EML1: variants seen among roughly 807,000 people sequenced by gnomAD.
The protein encoded by EML1 is EMAP like 1, also known as echinoderm microtubule-associated protein-like 1.
EML1 carries 27 observed loss-of-function variants against 110.4 expected under a neutral mutation model. The observed-to-expected ratio is 0.24, with a 90% confidence interval of 0.18 to 0.34. The LOEUF (loss-of-function observed/expected upper bound fraction) is 0.34, where lower values mean the gene tolerates loss of function less well. Ranked by LOEUF, EML1 falls within the 10% of genes least tolerant of loss-of-function variation. The pLI, the probability that EML1 is intolerant of heterozygous loss-of-function variation, is 1.00. For synonymous variants in EML1, 344 were observed against 385.8 expected (o/e 0.89, Z 1.27); for missense variants, 741 against 1,030.9 (o/e 0.72, Z 3.85).
At chr14:99,745,772 G>C (rs914165877) in intron 1 of EML1, among the ~76,000 whole-genome samples, 2 of 152,206 alleles carry the variant, frequency 1.3e-5, no homozygotes, top group African/African-American at 4.8e-5. Flanking sequence ...AACATGTCAA[G>C]TGCTGGTGCT....
At chr14:99,813,255 T>C (rs2058111557) in intron 1 of EML1, among the ~76,000 whole-genome samples, 1 of 152,182 alleles carries the variant, frequency 6.6e-6, no homozygotes, top group South Asian at 2.1e-4. Context: ...GCTTTTGATT[T>C]AAGGAAAAAA....
At chr14:99,929,133 G>A (rs1196509018) in intron 17 of EML1, among the ~76,000 whole-genome samples, 1 of 152,184 alleles carries the variant, frequency 6.6e-6, no homozygotes, top group African/African-American at 2.4e-5. Context: ...ATTCCCTGGA[G>A]AGCAGAGAGC....
At chr14:99,808,307 G>A (rs1240960017) in intron 1 of EML1, among the ~76,000 whole-genome samples, 4 of 152,166 alleles carry the variant, frequency 2.6e-5, no homozygotes, top group Non-Finnish European at 5.9e-5. Flanking sequence ...CTTGTTGAAT[G>A]AAAAATCAGA....
chr14:99,909,743 G>T (rs992372599), intron 11 of EML1, among the ~76,000 whole-genome samples: 1 of 152,186 alleles, frequency 6.6e-6, no homozygotes, highest in Non-Finnish European at 1.5e-5. Context: ...ATCAGAAGAT[G>T]AAGTCATCGG....
chr14:99,915,719 C>T (rs953427616), intron 15 of EML1, among the ~76,000 whole-genome samples: 17 of 152,138 alleles, frequency 1.1e-4, no homozygotes, highest in African/African-American at 4.1e-4. Flanking sequence ...AGTCTGACTC[C>T]TAAACTCTGG....
rs138845813 is a variant in EML1 at position 99,906,117 on chromosome 14, C to T, written c.1009-1521C>T. Among the ~76,000 whole-genome samples the T allele has an allele frequency of 1.6e-3, 247 of 152,250 alleles. 2 individuals are homozygous for T. Among genetic ancestry groups the T allele is most frequent in the African/African-American group, 5.8e-3 (240 of 41,548 alleles). On this transcript the variant is annotated intron_variant, in intron 9 of 21. Coordinates refer to ENST00000262233, the MANE Select transcript of EML1 (RefSeq NM_004434.3). ...TTCTGTGGTCTCCAGAAAGATGTCA[C>T]TGGACCCCACCACTTACCCAAAGTC...
At chr14:99,748,005 C>T (rs960891) in intron 1 of EML1, among the ~76,000 whole-genome samples, 58,225 of 152,098 alleles carry the variant, frequency 0.38, 13,671 homozygotes, top group Non-Finnish European at 0.5. Context: ...CCCTTAGGGC[C>T]GACAGCTGTG....
intron 10 of EML1, among the ~76,000 whole-genome samples, chr14:99,908,455 G>A (rs1286256910): frequency 1.3e-5 from 2 of 152,134 alleles, no homozygotes; most frequent in African/African-American, 2.4e-5. Context: ...GCATGTCTGC[G>A]AGGCAGACCT....
At chr14:99,894,603 T>C in intron 5 of EML1, 26 bp from the exon 6 acceptor site, 1 of 1,605,098 alleles carries the variant, frequency 6.2e-7, no homozygotes, top group Admixed American at 1.7e-5. Flanking sequence ...TGAGGTATCT[T>C]ACTGAAATCT....
At chr14:99,848,728 G>A (rs993486140) in intron 1 of EML1, among the ~76,000 whole-genome samples, 1 of 152,160 alleles carries the variant, frequency 6.6e-6, no homozygotes, top group African/African-American at 2.4e-5. Context: ...CACTTTGGGA[G>A]GGTGAAGCAG....
chr14:99,739,104 CAG>C (rs1210048454), intron 1 of EML1, among the ~76,000 whole-genome samples: 2 of 52,870 alleles, frequency 3.8e-5, no homozygotes, highest in African/African-American at 1.3e-4. Flanking sequence ...GAGAGAGAGA[CAG>C]AGAGAGAGAG....
intron 1 of EML1, among the ~76,000 whole-genome samples, chr14:99,742,960 C>T (rs1242104739): frequency 6.6e-6 from 1 of 152,176 alleles, no homozygotes. Flanking sequence ...GATATTGACA[C>T]CAAGAAGGAC....
intron 1 of EML1, among the ~76,000 whole-genome samples, chr14:99,816,092 T>C (rs2058162465): frequency 6.6e-6 from 1 of 152,240 alleles, no homozygotes; most frequent in African/African-American, 2.4e-5. Flanking sequence ...TGTTGTCAGA[T>C]GAAACTCAAG....
intron 3 of EML1, among the ~76,000 whole-genome samples, chr14:99,876,186 A>G (rs139538856): frequency 2.8e-5 from 1 of 36,126 alleles, no homozygotes; most frequent in African/African-American, 6.2e-5. Flanking sequence ...GGCTACCAAG[A>G]AGGAGAGTGG....
chr14:99,825,104 C>A (rs1423911649), intron 1 of EML1, among the ~76,000 whole-genome samples: 1 of 152,182 alleles, frequency 6.6e-6, no homozygotes, highest in Non-Finnish European at 1.5e-5. Context: ...CCACCTCAGC[C>A]TGACAAGTAA....
intron 3 of EML1, chr14:99,875,119 T>C: frequency 2.6e-6 from 2 of 754,836 alleles, no homozygotes; most frequent in Non-Finnish European, 2.1e-6. Flanking sequence ...TGTAACTATA[T>C]TAATCATTGA....
Position 99,938,090 on chromosome 14 carries a change from G to A in EML1, c.2191+178G>A, listed in dbSNP as rs552357508. ...GGGTAGGGCCTGGGCTTGCCTGGCC[G>A]TGGCCCACTGAGAAGAACCAGAGAG... On this transcript the variant is annotated intron_variant, in intron 20 of 21. Transcript: ENST00000262233. 4.0e-4 allele frequency among the ~76,000 whole-genome samples: 61 copies of A among 152,218 alleles called. 1 individual carries two copies. The highest frequency in any genetic ancestry group is 1.3e-3 in the African/African-American group (52 of 41,528).
intron 6 of EML1, among the ~76,000 whole-genome samples, chr14:99,896,781 G>A (rs550807840): frequency 1.3e-5 from 2 of 149,706 alleles, no homozygotes; most frequent in East Asian, 3.9e-4. Flanking sequence ...GTGTGCATGT[G>A]TGTGTGTCAT....
intron 1 of EML1, among the ~76,000 whole-genome samples, chr14:99,747,984 C>T (rs1203581167): frequency 6.6e-6 from 1 of 152,204 alleles, no homozygotes; most frequent in Admixed American, 6.5e-5. Context: ...ATGAGGTGCC[C>T]TAAAGAGGTT....
Sources: allele counts gnomAD v4.1 joint callset (sites outside exome capture counted in the v4.1 genomes callset), GRCh38; gene constraint gnomAD v4.1.1; transcripts MANE v1.5; gene names NCBI Gene and HGNC (gene_info 2026-07-23, HGNC 2026-07-21).